Variants in PPM1L observed in about 807,000 individuals in gnomAD.
The protein encoded by PPM1L is protein phosphatase 1L.
In PPM1L, 13 loss-of-function variants were observed where a neutral mutation model predicts 31.4. The ratio of observed to expected loss-of-function variants is 0.41; its 90% CI spans 0.27 to 0.66. The LOEUF (loss-of-function observed/expected upper bound fraction) is 0.66, where lower values mean the gene tolerates loss of function less well. Ranked by LOEUF, PPM1L falls within the 30% of genes least tolerant of loss-of-function variation. The probability of loss-of-function intolerance (pLI) is 0.29; values close to 1 mark genes in which losing one functional copy is unlikely to be tolerated. For missense variants in PPM1L, 326 were observed against 453.7 expected (o/e 0.72, Z 2.56); for synonymous variants, 184 against 175.4 (o/e 1.05, Z -0.39).
intron 2 of PPM1L, among the ~76,000 whole-genome samples, chr3:161,043,085 C>G (rs1163579051): frequency 6.7e-6 from 1 of 149,948 alleles, no homozygotes; most frequent in African/African-American, 2.5e-5. Context: ...TTACATTTGC[C>G]TGGAAAATAG....
intron 1 of PPM1L, among the ~76,000 whole-genome samples, chr3:160,929,000 GGCAA>G (rs1461970064): frequency 6.6e-6 from 1 of 152,036 alleles, no homozygotes; most frequent in African/African-American, 2.4e-5. Flanking sequence ...TTTTCTTTGA[GGCAA>G]ACCTAACTCC....
intron 2 of PPM1L, among the ~76,000 whole-genome samples, chr3:160,993,979 C>T (rs1401054676): frequency 1.3e-5 from 2 of 151,560 alleles, no homozygotes; most frequent in Non-Finnish European, 2.9e-5. Flanking sequence ...TCACTTTGTT[C>T]CATTTCTTTC....
rs1303999196 is a variant in PPM1L at position 160,756,594 on chromosome 3, T to C, written c.286T>C (p.Tyr96His). The change falls in exon 1 of 4, where the codon TAC becomes CAC. Residue 96 changes from tyrosine to histidine, a missense_variant. By Grantham distance (83) the Tyr-to-His change is moderately conservative (BLOSUM62 2). Coordinates refer to ENST00000498165, the MANE Select transcript of PPM1L (RefSeq NM_139245.4). The surrounding 1 kb of genome is among the most constrained non-coding windows in gnomAD (Gnocchi z 6.2). ...GTTCAAGAACCACAACGTGGCGGTG[T>C]ACTCCATCCAGGGCCGGAGAGACCA... ...WEFKNHNVAV[Y>H]SIQGRRDHME... 1 of 1,613,970 alleles carries C rather than the reference T, an allele frequency of 6.2e-7. No individual in the cohort carries two copies. Among genetic ancestry groups the C allele is most frequent in the African/African-American group, 1.3e-5 (1 of 74,888 alleles).
At chr3:160,987,974 G>A (rs759601076) in intron 2 of PPM1L, among the ~76,000 whole-genome samples, 10 of 152,272 alleles carry the variant, frequency 6.6e-5, no homozygotes, top group Admixed American at 3.3e-4. Flanking sequence ...CTTATATGGC[G>A]GAATTTTCCT....
Position 160,756,436 on chromosome 3 carries a change from A to C in PPM1L, c.128A>C (p.Asp43Ala). 6.2e-7 allele frequency: 1 copy of C among 1,614,150 alleles called. No individual in the cohort carries two copies. Among genetic ancestry groups the C allele is most frequent in the Non-Finnish European group, 8.5e-7 (1 of 1,180,032 alleles). ...CTATGGAGTTACTTCTTCCACACCGACGAGGTGAAGACCATCGTGAAGTCC... is the reference window on the plus strand; with the variant it reads ...CTATGGAGTTACTTCTTCCACACCGCCGAGGTGAAGACCATCGTGAAGTCC... The part of the protein sequence containing the change: ...LALWSYFFHT[D>A]EVKTIVKSSR... Residue 43 changes from aspartate to alanine, a missense_variant, in exon 1 of 4, where the codon GAC becomes GCC. Coordinates refer to ENST00000498165, the MANE Select transcript of PPM1L (RefSeq NM_139245.4). This position sits in a 1 kb window ranked among gnomAD's most constrained non-coding sequence, Gnocchi z 6.2.
chr3:160,825,394 G>A (rs997431851), intron 1 of PPM1L, among the ~76,000 whole-genome samples: 1 of 152,072 alleles, frequency 6.6e-6, no homozygotes, highest in Non-Finnish European at 1.5e-5. Flanking sequence ...ACCTAAAAAA[G>A]TGTCATTTTC....
chr3:160,805,557 G>A (rs1458439749), intron 1 of PPM1L, among the ~76,000 whole-genome samples: 2 of 151,954 alleles, frequency 1.3e-5, no homozygotes, highest in African/African-American at 4.8e-5. Context: ...TCCTGTCTCT[G>A]CTAAAAATAC....
intron 1 of PPM1L, among the ~76,000 whole-genome samples, chr3:160,879,210 A>G (rs979625162): frequency 5.9e-5 from 9 of 152,080 alleles, no homozygotes; most frequent in Admixed American, 5.9e-4. Flanking sequence ...AAGAAATGCT[A>G]CCTTTTTTTT....
intron 2 of PPM1L, among the ~76,000 whole-genome samples, chr3:161,014,813 T>G (rs1054631675): frequency 2.0e-5 from 3 of 152,160 alleles, no homozygotes; most frequent in Non-Finnish European, 4.4e-5. Context: ...CACTAATGCT[T>G]CAGATTTCTC....
rs1715978591 is a variant in PPM1L, at chr3:160,961,925, A to G, written c.574+15A>G. ...TGATGAAGCAGGTATGTTTGTTTTT[A>G]AAACACACATTTTTTTTCCTTGCAA... is the stretch of plus-strand genomic sequence containing the variant. On this transcript the variant is annotated intron_variant, in intron 2 of 3. Coordinates refer to ENST00000498165, the MANE Select transcript of PPM1L (RefSeq NM_139245.4). The G allele has an allele frequency of 2.6e-6, 4 of 1,532,354 alleles. No individual in the cohort carries two copies. Among genetic ancestry groups the G allele is most frequent in the Non-Finnish European group, 3.5e-6 (4 of 1,145,802 alleles). 94.9% of individuals were successfully genotyped at this position (1,532,354 alleles called of 1,614,324 possible). A position where few individuals can be genotyped will look rare whatever the true frequency, so the allele number is the denominator to read the frequency against.
At chr3:160,945,252 C>A (rs1158468292) in intron 1 of PPM1L, among the ~76,000 whole-genome samples, 1 of 151,500 alleles carries the variant, frequency 6.6e-6, no homozygotes, top group African/African-American at 2.4e-5. Context: ...GCTTTGCATA[C>A]CATCCAGTCC....
chr3:160,866,145 A>G (rs538752360), intron 1 of PPM1L, among the ~76,000 whole-genome samples: 1 of 152,298 alleles, frequency 6.6e-6, no homozygotes, highest in Non-Finnish European at 1.5e-5. Flanking sequence ...TTCTCCTGTC[A>G]GTGCTCAGAA....
At chr3:160,802,526 C>T (rs762251383) in intron 1 of PPM1L, among the ~76,000 whole-genome samples, 10 of 152,140 alleles carry the variant, frequency 6.6e-5, no homozygotes, top group South Asian at 4.1e-4. Context: ...TATTGAGCGC[C>T]GGGCTGGGTA....
chr3:161,017,409 G>A lies in PPM1L; in HGVS notation c.575-47994G>A, dbSNP rs181950780. On this transcript the variant is annotated intron_variant, in intron 2 of 3. Transcript: ENST00000498165. The stretch of plus-strand genomic sequence containing the variant: ...CTTGACACAATTGATTATGTTGATT[G>A]GCTCTTCAGTAGCATTTTCATTTCT... Among the ~76,000 whole-genome samples, 28 of 152,174 alleles carry A rather than the reference G, an allele frequency of 1.8e-4. No homozygotes were observed. The East Asian group carries it at 2.7e-3, about 15-fold the overall frequency.
At chr3:161,022,098 T>G (rs1718249553) in intron 2 of PPM1L, 1 of 654,030 alleles carries the variant, frequency 1.5e-6, no homozygotes, top group African/African-American at 1.8e-5. Context: ...TATTGCATAC[T>G]TTTGTGTAGC....
intron 1 of PPM1L, among the ~76,000 whole-genome samples, chr3:160,933,037 A>T (rs920809392): frequency 2.0e-5 from 3 of 152,204 alleles, no homozygotes; most frequent in Non-Finnish European, 4.4e-5. Flanking sequence ...TTTCTTTATA[A>T]GAGATCCATG....
chr3:161,008,495 C>T (rs1254232303), intron 2 of PPM1L, among the ~76,000 whole-genome samples: 3 of 152,192 alleles, frequency 2.0e-5, no homozygotes, highest in Non-Finnish European at 4.4e-5. Flanking sequence ...AAACTATGAT[C>T]GAGGACATTT....
At chr3:160,906,048 T>G (rs1242697754) in intron 1 of PPM1L, among the ~76,000 whole-genome samples, 2 of 152,102 alleles carry the variant, frequency 1.3e-5, no homozygotes, top group Non-Finnish European at 2.9e-5. Context: ...TTCTTTCTAT[T>G]TCCTGCCCTT....
At chr3:161,047,756 A>G (rs1218309995) in intron 2 of PPM1L, among the ~76,000 whole-genome samples, 1 of 152,258 alleles carries the variant, frequency 6.6e-6, no homozygotes, top group Non-Finnish European at 1.5e-5. Context: ...CCAATGTAAC[A>G]GAACAGAGCC....
Sources: allele counts gnomAD v4.1 joint callset (sites outside exome capture counted in the v4.1 genomes callset), GRCh38; gene constraint gnomAD v4.1.1; non-coding constraint Gnocchi (gnomAD v3.1); transcripts MANE v1.5; gene names NCBI Gene and HGNC (gene_info 2026-07-23, HGNC 2026-07-21).